Variants in DPP4 observed in about 807,000 individuals in gnomAD.
The protein encoded by DPP4 is ADCP-2.
Under a neutral mutation model 122.4 loss-of-function variants are expected in DPP4, and 93 were observed. The ratio of observed to expected loss-of-function variants is 0.76; its 90% CI spans 0.64 to 0.90. The LOEUF is 0.90. Among genes scored for constraint, DPP4 ranks in the 40% least tolerant of loss-of-function variants. The probability of loss-of-function intolerance (pLI) is 0.00; values close to 1 mark genes in which losing one functional copy is unlikely to be tolerated. For synonymous variants in DPP4, 321 were observed against 302.9 expected, an observed-to-expected ratio of 1.06 and a Z score of -0.62; for missense variants, 914 against 907.3, an observed-to-expected ratio of 1.01 and a Z score of -0.09.
intron 1 of DPP4, 119 bp downstream of exon 1, chr2:162,073,857 T>C: frequency 5.7e-6 from 8 of 1,394,790 alleles, no homozygotes; most frequent in Non-Finnish European, 7.8e-6. Flanking sequence ...AGGGTGGCCT[T>C]GGGGCTTCCG....
chr2:162,049,708 T>A (rs1046573538), intron 2 of DPP4, among the ~76,000 whole-genome samples: 1 of 152,158 alleles, frequency 6.6e-6, no homozygotes, highest in Non-Finnish European at 1.5e-5. Flanking sequence ...CAGTTAAAAA[T>A]GATAAAGCTT....
chr2:161,995,529 C>T (rs1559702383), intron 23 of DPP4, among the ~76,000 whole-genome samples, 157 bp from the exon 24 acceptor site: 2 of 152,174 alleles, frequency 1.3e-5, no homozygotes, highest in Admixed American at 6.5e-5. Context: ...CCATGCATGG[C>T]AGAATGCACA....
chr2:162,047,257 A>C (rs1684217098), intron 3 of DPP4, 146 bp downstream of exon 3: 1 of 492,760 alleles, frequency 2.0e-6, no homozygotes, highest in Non-Finnish European at 3.5e-6. Flanking sequence ...CTCCCTTTGC[A>C]CTTCAAGTAG....
chr2:162,018,935 AAG>A (rs1238382410), intron 15 of DPP4, 85 bp from the exon 16 acceptor site: 3 of 1,542,562 alleles, frequency 1.9e-6, no homozygotes, highest in Middle Eastern at 1.7e-4. Context: ...TCTAGTTTCA[AAG>A]ACAGCAGCAT....
At chr2:162,008,691 A>C (rs1334373141) in intron 21 of DPP4, 30 bp from the exon 22 acceptor site, 2 of 1,578,524 alleles carry the variant, frequency 1.3e-6, no homozygotes, top group Admixed American at 1.7e-5. Flanking sequence ...ATTTTTATGG[A>C]GGTAAAAGAA....
intron 7 of DPP4, 36 bp downstream of exon 7, chr2:162,038,913 C>T: frequency 6.3e-7 from 1 of 1,595,552 alleles, no homozygotes; most frequent in Non-Finnish European, 8.6e-7. Context: ...AAAATTTGAG[C>T]CTATATTTTT....
chr2:162,020,377 T>C lies in DPP4; in HGVS notation c.1177-81A>G, dbSNP rs541741442. The C allele has an allele frequency of 1.1e-5, 14 of 1,236,290 alleles. No individual in the cohort carries two copies. The East Asian group carries it at 3.2e-4, about 28-fold the overall frequency. 76.6% of individuals were successfully genotyped at this position (1,236,290 alleles called of 1,614,324 possible). The stretch of plus-strand genomic sequence containing the variant: ...CTGTTCAAAGTGGAGGATTAAATCA[T>C]TTATATCAGGAATTCAAATAACCTT... On this transcript the variant is annotated intron_variant, in intron 13 of 25. Transcript: ENST00000360534.
rs188320175 is a variant in DPP4, at chr2:162,004,604, C to A, written c.2052+1141G>T. ...CTCCCTGCACACACACACACACACG[C>A]ACACACACACATACACCTTACTCAT... On this transcript the variant is annotated intron_variant, in intron 23 of 25. Coordinates refer to ENST00000360534, the MANE Select transcript of DPP4 (RefSeq NM_001935.4). Among the ~76,000 whole-genome samples, 361 of 152,142 alleles carry A rather than the reference C, an allele frequency of 2.4e-3. 1 individual carries two copies. The highest frequency in any genetic ancestry group is 8.3e-3 in the African/African-American group (346 of 41,490).
At chr2:162,012,066 G>A (rs1682724072) in intron 19 of DPP4, 79 bp from the exon 20 acceptor site, 1 of 1,402,992 alleles carries the variant, frequency 7.1e-7, no homozygotes, top group African/African-American at 1.4e-5. Flanking sequence ...CTTCTCCGTG[G>A]AGAAGTATGC....
At chr2:162,073,584 G>A in intron 1 of DPP4, 98 bp from the exon 2 acceptor site, 5 of 1,227,936 alleles carry the variant, frequency 4.1e-6, no homozygotes, top group South Asian at 3.7e-5. Context: ...GGATTTGCAG[G>A]TGGGAGTGCG....
Position 162,018,854 on chromosome 2 carries a change from T to C in DPP4, c.1299-4A>G, listed in dbSNP as rs200170297. The C allele has an allele frequency of 6.2e-7, 1 of 1,613,386 alleles. No homozygotes were observed. The highest frequency in any genetic ancestry group is 8.5e-7 in the Non-Finnish European group (1 of 1,179,872). On this transcript the variant is annotated splice_region_variant and splice_polypyrimidine_tract_variant and intron_variant, in intron 15 of 25. Coordinates refer to ENST00000360534, the MANE Select transcript of DPP4 (RefSeq NM_001935.4). Reference sequence around the variant, plus strand: ...TGTATAGTCACTAAGTTGGATTCTGTAAAACCAACGGTGGAAATTAAGTGC... The same window carrying C: ...TGTATAGTCACTAAGTTGGATTCTGCAAAACCAACGGTGGAAATTAAGTGC...
chr2:162,063,493 G>A lies in DPP4; in HGVS notation c.94+9906C>T, dbSNP rs140497331. Among the ~76,000 whole-genome samples, 465 of 152,170 alleles carry A rather than the reference G, an allele frequency of 3.1e-3. 4 individuals carry two copies. Among genetic ancestry groups the A allele is most frequent in the Non-Finnish European group, 5.5e-3 (373 of 68,008 alleles). ...GGTGAGAAGTTGAAGACATCAGGAA[G>A]AATACCTAAGGAGGCTGGGAAAGAC... On this transcript the variant is annotated intron_variant, in intron 2 of 25. Transcript: ENST00000360534.
chr2:162,037,796 C>T lies in DPP4; in HGVS notation c.613+506G>A, dbSNP rs528761610. 2.6e-5 allele frequency among the ~76,000 whole-genome samples: 4 copies of T among 152,134 alleles called. No homozygotes were observed. In the South Asian group the frequency reaches 6.2e-4, roughly 24 times the overall value. The stretch of plus-strand genomic sequence containing the variant: ...ACTTTTTCCTAAGCCTTTCTAATTG[C>T]TTTTTTATTCTTAAAAACAGGAAAT... On this transcript the variant is annotated intron_variant, in intron 8 of 25. Transcript: ENST00000360534.
intron 23 of DPP4, among the ~76,000 whole-genome samples, chr2:162,005,361 T>C (rs944589306): frequency 3.3e-5 from 5 of 152,240 alleles, no homozygotes; most frequent in South Asian, 2.1e-4. Context: ...TAGTCTCGTA[T>C]ATATATCTTA....
chr2:162,015,271 T>C (rs1225733508), intron 18 of DPP4, among the ~76,000 whole-genome samples: 1 of 152,210 alleles, frequency 6.6e-6, no homozygotes, highest in East Asian at 1.9e-4. Flanking sequence ...TATCTTCCTT[T>C]TTGTTTATGT....
intron 10 of DPP4, among the ~76,000 whole-genome samples, chr2:162,027,096 C>T (rs1683358036): frequency 6.6e-6 from 1 of 151,824 alleles, no homozygotes; most frequent in Non-Finnish European, 1.5e-5. Context: ...GATTTTTGTT[C>T]CCAACCACTT....
At chr2:162,038,068 A>G (rs1683844055) in intron 8 of DPP4, among the ~76,000 whole-genome samples, 1 of 152,214 alleles carries the variant, frequency 6.6e-6, no homozygotes, top group Non-Finnish European at 1.5e-5. Flanking sequence ...TTGTATCAAT[A>G]TAACAGAGAC....
chr2:162,060,373 T>C (rs1177630437), intron 2 of DPP4, among the ~76,000 whole-genome samples: 5 of 152,182 alleles, frequency 3.3e-5, no homozygotes, highest in African/African-American at 7.2e-5. Context: ...ATGGCAACTC[T>C]GTGGCTTCCT....
intron 12 of DPP4, among the ~76,000 whole-genome samples, chr2:162,021,159 C>A (rs115296131): frequency 1.3e-5 from 2 of 152,136 alleles, no homozygotes; most frequent in African/African-American, 2.4e-5. Flanking sequence ...TGTTTTTACA[C>A]ATATTTCTTT....
Sources: gnomAD v4.1 joint callset for allele counts (sites outside exome capture counted in the v4.1 genomes callset) on GRCh38, gnomAD v4.1.1 for gene constraint, MANE v1.5 for transcripts, NCBI Gene and HGNC (gene_info 2026-07-23, HGNC 2026-07-21) for gene names.